The following SMARCA4 variants were observed in gnomAD, a reference collection of about 807,000 sequenced individuals.
SMARCA4 encodes the protein SWI/SNF-related matrix-associated actin-dependent regulator of chromatin subfamily A member 4.
A neutral mutation model predicts 193.9 loss-of-function variants in SMARCA4; 31 were observed. That is an observed-to-expected ratio of 0.16 (90% CI 0.12 to 0.22). The LOEUF is 0.22. Ranked by LOEUF, SMARCA4 falls within the 10% of genes least tolerant of loss-of-function variation. The probability of loss-of-function intolerance (pLI) is 1.00; values close to 1 mark genes in which losing one functional copy is unlikely to be tolerated. For missense variants in SMARCA4, 1,148 were observed against 2,296.0 expected (o/e 0.50, Z 10.22); for synonymous variants, 942 against 933.1 (o/e 1.01, Z -0.17).
intron 1 of SMARCA4, among the ~76,000 whole-genome samples, chr19:10,982,649 G>A (rs1396170370): frequency 6.6e-6 from 1 of 151,880 alleles, no homozygotes; most frequent in African/African-American, 2.4e-5. Flanking sequence ...ACAGGTGCCT[G>A]CCACCATGCC....
chr19:10,996,273 TACCTCTTG>T lies in SMARCA4; in HGVS notation c.1655_1662del (p.Tyr552SerfsTer9). 6.2e-7 allele frequency: 1 copy of T among 1,614,188 alleles called. No homozygotes were observed. The highest frequency in any genetic ancestry group is 8.5e-7 in the Non-Finnish European group (1 of 1,180,010). ...CCAGAAGAAGGACAAGCGCCTGGCC[TACCTCTTG>T]CAGCAGACAGACGAGTACGTGGCTA... On this transcript the variant is annotated frameshift_variant, in exon 10 of 35. Transcript: ENST00000344626. LOFTEE classifies it high-confidence loss of function.
rs1044893834 is a variant in SMARCA4, at chr19:10,995,797, A to AG, written c.1594-412dup. ...ACTCTGGGTTGAGTTCTGATCATGA[A>AG]GGGGAGCCTCACCCGGGAGGGTTTT... On this transcript the variant is annotated intron_variant, in intron 9 of 34. Coordinates refer to ENST00000344626, the MANE Select transcript of SMARCA4 (RefSeq NM_003072.5). The AG allele has an allele frequency of 6.1e-5, 22 of 360,122 alleles. No homozygotes were observed. The Admixed American group carries it at 7.5e-4, about 12-fold the overall frequency. 22.3% of individuals were successfully genotyped at this position (360,122 alleles called of 1,614,324 possible).
intron 1 of SMARCA4, among the ~76,000 whole-genome samples, chr19:10,969,523 T>C (rs902198618): frequency 1.3e-5 from 2 of 151,980 alleles, no homozygotes; most frequent in Non-Finnish European, 2.9e-5. Flanking sequence ...CTCCGCCTCC[T>C]GGGTTCAAGC....
intron 7 of SMARCA4, among the ~76,000 whole-genome samples, chr19:10,990,908 G>C (rs2086497084): frequency 6.6e-6 from 1 of 152,218 alleles, no homozygotes; most frequent in African/African-American, 2.4e-5. Context: ...TGTGGTAGAG[G>C]GGAGGCAAGC....
intron 30 of SMARCA4, among the ~76,000 whole-genome samples, chr19:11,054,435 A>G (rs2147029311): frequency 6.6e-6 from 1 of 152,218 alleles, no homozygotes; most frequent in South Asian, 2.1e-4. Context: ...GAAGCAGCCA[A>G]CCTCGGCCCA....
Position 11,030,861 on chromosome 19 carries a change from A to G in SMARCA4, c.3514A>G (p.Ile1172Val), listed in dbSNP as rs747875190. 1.2e-6 allele frequency: 2 copies of G among 1,610,602 alleles called. No homozygotes were observed. The highest frequency in any genetic ancestry group is 1.7e-5 in the Admixed American group (1 of 59,658). The change falls in exon 25 of 35, where the codon ATC becomes GTC. Residue 1172 changes from isoleucine (I) to valine (V), a missense_variant. Ile to Val is a conservative substitution (Grantham distance 29, BLOSUM62 3). This residue lies in a region of SMARCA4 where 74 missense variants were observed against 392.3 expected (regional missense o/e 0.19). Coordinates refer to ENST00000344626, the MANE Select transcript of SMARCA4 (RefSeq NM_003072.5). The surrounding 1 kb of genome is among the most constrained non-coding windows in gnomAD (Gnocchi z 5.5). The stretch of plus-strand genomic sequence containing the variant: ...GAACCTCCAGTCGGCAGACACTGTG[A>G]TCATTTTTGACAGCGACTGGAATCC... ...GLNLQSADTVIIFDSDWNPHQ... is the reference protein window; with the variant it reads ...GLNLQSADTVVIFDSDWNPHQ...
intron 1 of SMARCA4, among the ~76,000 whole-genome samples, chr19:10,966,722 C>A (rs779038836): frequency 4.6e-5 from 7 of 151,926 alleles, no homozygotes; most frequent in Admixed American, 1.3e-4. Context: ...CCCGTCTCTA[C>A]GAAAATACAA....
At chr19:11,012,034 G>T (rs73013159) in intron 15 of SMARCA4, 6,997 of 151,934 alleles carry the variant, frequency 0.046, 204 homozygotes, top group Middle Eastern at 0.13. Flanking sequence ...CAAAGGCAAA[G>T]CTCATGGTTA....
chr19:11,033,606 C>A lies in SMARCA4; in HGVS notation c.3774+89C>A. The A allele has an allele frequency of 2.0e-6, 2 of 1,021,102 alleles. No individual in the cohort carries two copies. Among genetic ancestry groups the A allele is most frequent in the Non-Finnish European group, 3.1e-6 (2 of 646,292 alleles). 63.3% of individuals were successfully genotyped at this position (1,021,102 alleles called of 1,614,324 possible). ...TTTTTGTTTTTTTACCTTTTTTGCA[C>A]TCTTATTTTTTTTGCATCCCTTTGG... On this transcript the variant is annotated intron_variant, in intron 26 of 34. Transcript: ENST00000344626. The surrounding 1 kb of genome is among the most constrained non-coding windows in gnomAD (Gnocchi z 9.8).
Position 11,024,319 on chromosome 19 carries a change from T to C in SMARCA4, c.2974-12T>C, listed in dbSNP as rs773398960. On this transcript the variant is annotated splice_polypyrimidine_tract_variant and intron_variant, in intron 20 of 34. Coordinates refer to ENST00000344626, the MANE Select transcript of SMARCA4 (RefSeq NM_003072.5). ...ACCTTGGGCCCTCGTGAGCATTATGTGTCCCCTGCAGGTGGAGTACGTCAT... is the reference window on the plus strand; with the variant it reads ...ACCTTGGGCCCTCGTGAGCATTATGCGTCCCCTGCAGGTGGAGTACGTCAT... 2 of 1,592,614 alleles carry C rather than the reference T, an allele frequency of 1.3e-6. No homozygotes were observed. The highest frequency in any genetic ancestry group is 2.2e-5 in the East Asian group (1 of 44,794).
chr19:11,016,027 T>A (rs983033861), intron 16 of SMARCA4: 4 of 146,380 alleles, frequency 2.7e-5, no homozygotes, highest in Non-Finnish European at 6.0e-5. Flanking sequence ...AAAAAAGAGG[T>A]TTATTTGGCT....
chr19:10,984,077 C>A lies in SMARCA4; in HGVS notation c.-31-44C>A. 2 of 1,541,152 alleles carry A rather than the reference C, an allele frequency of 1.3e-6. No individual in the cohort carries two copies. The highest frequency in any genetic ancestry group is 1.8e-6 in the Non-Finnish European group (2 of 1,116,384). On this transcript the variant is annotated intron_variant, in intron 1 of 34. Coordinates refer to ENST00000344626, the MANE Select transcript of SMARCA4 (RefSeq NM_003072.5). The surrounding 1 kb of genome is among the most constrained non-coding windows in gnomAD (Gnocchi z 4.3). ...GTCCCTTGCTATCCCTGTCCTGCCTCGCCCTTGGTCATGAACCCCAGACTG... is the reference window on the plus strand; with the variant it reads ...GTCCCTTGCTATCCCTGTCCTGCCTAGCCCTTGGTCATGAACCCCAGACTG...
Position 10,994,926 on chromosome 19 carries a change from G to A in SMARCA4, c.1518G>A (p.Thr506=), listed in dbSNP as rs145369952. The part of the protein sequence containing the change: ...KIQKLTKAVA[T]YHANTEREQK... ...AGAAGCTGACCAAGGCAGTGGCCAC[G>A]TACCATGCCAACACGGAGCGGGAGC... The change falls in exon 9 of 35, where the codon ACG becomes ACA. Residue 506 remains threonine, a synonymous_variant. Coordinates refer to ENST00000344626, the MANE Select transcript of SMARCA4 (RefSeq NM_003072.5). 18 of 1,614,154 alleles carry A rather than the reference G, an allele frequency of 1.1e-5. No homozygotes were observed. The highest frequency in any genetic ancestry group is 7.7e-5 in the South Asian group (7 of 91,078).
rs961958451 is a variant in SMARCA4, at chr19:10,984,613, G to T, written c.222+240G>T. 2.6e-5 allele frequency among the ~76,000 whole-genome samples: 4 copies of T among 152,246 alleles called. No homozygotes were observed. The highest frequency in any genetic ancestry group is 2.6e-4 in the Admixed American group (4 of 15,288). ...GCGGGCACCTGCCCCACCGTTTCCC[G>T]CTCCCTTGCTTTCTGCATGTGAAAT... On this transcript the variant is annotated intron_variant, in intron 2 of 34. Transcript: ENST00000344626. This position sits in a 1 kb window ranked among gnomAD's most constrained non-coding sequence, Gnocchi z 4.3.
In SMARCA4 at chr19:11,013,102, G is replaced by A. The variant is rs1060502056; in HGVS notation, c.2428G>A (p.Val810Met). The change falls in exon 16 of 35, where the codon GTG (valine) becomes ATG (methionine). Residue 810 changes from valine (V) to methionine (M), a missense_variant. By Grantham distance (21) the Val-to-Met change is conservative. Around this residue, in one of 17 missense-constraint regions of SMARCA4, gnomAD observed 54 missense variants for 123.3 expected, o/e 0.44. Transcript: ENST00000344626. Reference sequence around the variant, plus strand: ...CATCAATGGGCCCTTCCTCATCATCGTGCCTCTCTCGTGAGTACCCGCTGC... The same window carrying A: ...CATCAATGGGCCCTTCCTCATCATCATGCCTCTCTCGTGAGTACCCGCTGC... ...KRINGPFLII[V>M]PLSTLSNWAY... is the part of the protein sequence containing the mutation. 2.5e-6 allele frequency: 4 copies of A among 1,613,894 alleles called. No homozygotes were observed. The highest frequency in any genetic ancestry group is 3.4e-6 in the Non-Finnish European group (4 of 1,179,988).
At chr19:10,996,111 A>T in intron 9 of SMARCA4, 102 bp from the exon 10 acceptor site, 1 of 1,152,448 alleles carries the variant, frequency 8.7e-7, no homozygotes, top group Non-Finnish European at 1.3e-6. Flanking sequence ...CACCCGCGTG[A>T]GCTACGCGTG....
At chr19:11,029,729 A>C (rs1432684569) in intron 24 of SMARCA4, among the ~76,000 whole-genome samples, 2 of 152,256 alleles carry the variant, frequency 1.3e-5, no homozygotes, top group South Asian at 4.1e-4. Context: ...GCTGGAGTGC[A>C]GTGGCATGAT....
chr19:10,985,457 C>T lies in SMARCA4; in HGVS notation c.355+52C>T, dbSNP rs754574700. On this transcript the variant is annotated intron_variant, in intron 3 of 34. Coordinates refer to ENST00000344626, the MANE Select transcript of SMARCA4 (RefSeq NM_003072.5). This position sits in a 1 kb window ranked among gnomAD's most constrained non-coding sequence, Gnocchi z 4.5. ...TGTGTTTGTCATACTCCAGAGTCCT[C>T]AGATCATTTTCCTCCCCTGGGTTCC... The T allele has an allele frequency of 2.5e-6, 4 of 1,604,134 alleles. No individual in the cohort carries two copies. The highest frequency in any genetic ancestry group is 3.4e-6 in the Non-Finnish European group (4 of 1,175,538).
Position 10,986,171 on chromosome 19 carries a change from G to A in SMARCA4, c.356-18G>A, listed in dbSNP as rs2145769845. 1 of 1,602,940 alleles carries A rather than the reference G, an allele frequency of 6.2e-7. No homozygotes were observed. ...ACATATGCTGCCGAGTGACCAGTGG[G>A]CTGACCTTTCTCTGCAGGTTACCCC... On this transcript the variant is annotated intron_variant, in intron 3 of 34. Coordinates refer to ENST00000344626, the MANE Select transcript of SMARCA4 (RefSeq NM_003072.5). The surrounding 1 kb of genome is among the most constrained non-coding windows in gnomAD (Gnocchi z 6.7).
Sources: allele counts gnomAD v4.1 joint callset (sites outside exome capture counted in the v4.1 genomes callset), GRCh38; gene constraint gnomAD v4.1.1; regional missense constraint gnomAD v4.1.1; non-coding constraint Gnocchi (gnomAD v3.1); transcripts MANE v1.5; gene names NCBI Gene and HGNC (gene_info 2026-07-23, HGNC 2026-07-21).